The following SDK1 variants were observed in gnomAD, a reference collection of about 807,000 sequenced individuals.
SDK1 encodes sidekick cell adhesion molecule 1.
Under a neutral mutation model 245.5 loss-of-function variants are expected in SDK1, and 157 were observed. The observed-to-expected ratio is 0.64, with a 90% CI of 0.56 to 0.73. The LOEUF (loss-of-function observed/expected upper bound fraction) is 0.73. SDK1 is among the 30% of genes least tolerant of loss of function. The pLI is 0.00. For missense variants in SDK1, 3,583 were observed against 3,002.3 expected (o/e 1.19, Z -4.52); for synonymous variants, 1,647 against 1,278.5 (o/e 1.29, Z -6.15).
At chr7:4,168,926 T>C (rs1301512174) in intron 32 of SDK1, among the ~76,000 whole-genome samples, 1 of 152,016 alleles carries the variant, frequency 6.6e-6, no homozygotes, top group Non-Finnish European at 1.5e-5. Context: ...CCACCACCAG[T>C]GTGAACAGCA....
intron 4 of SDK1, among the ~76,000 whole-genome samples, chr7:3,753,878 A>G (rs574450629): frequency 1.3e-5 from 2 of 152,354 alleles, no homozygotes; most frequent in East Asian, 3.9e-4. Context: ...TGTATTTGAT[A>G]AAATACGTCC....
intron 5 of SDK1, among the ~76,000 whole-genome samples, chr7:3,938,131 C>A (rs1468295577): frequency 6.6e-6 from 1 of 152,230 alleles, no homozygotes; most frequent in African/African-American, 2.4e-5. Context: ...GCTACCGCAC[C>A]TGGCTTCCAG....
chr7:3,581,976 C>G (rs1780510991), intron 1 of SDK1, among the ~76,000 whole-genome samples: 1 of 152,190 alleles, frequency 6.6e-6, no homozygotes, highest in African/African-American at 2.4e-5. Flanking sequence ...GGAACAGACA[C>G]CGGGGCCTAC....
chr7:3,819,665 A>T (rs1221724699), intron 4 of SDK1, among the ~76,000 whole-genome samples: 1 of 152,260 alleles, frequency 6.6e-6, no homozygotes, highest in East Asian at 1.9e-4. Context: ...CTCTATTGAA[A>T]TATTTTTATG....
chr7:3,522,239 A>G (rs1782963996), intron 1 of SDK1, among the ~76,000 whole-genome samples: 1 of 152,076 alleles, frequency 6.6e-6, no homozygotes, highest in Admixed American at 6.6e-5. Context: ...TACTTTTCAG[A>G]TAGTCTTCAG....
At chr7:3,490,722 G>A (rs1323955737) in intron 1 of SDK1, among the ~76,000 whole-genome samples, 2 of 152,234 alleles carry the variant, frequency 1.3e-5, no homozygotes, top group African/African-American at 4.8e-5. Context: ...AGGCCAGGCA[G>A]ACTTGGAGGG....
intron 4 of SDK1, among the ~76,000 whole-genome samples, chr7:3,765,960 G>T (rs990342964): frequency 2.6e-5 from 4 of 152,164 alleles, no homozygotes; most frequent in Non-Finnish European, 5.9e-5. Flanking sequence ...CATCCTCCAT[G>T]AGATACAGAA....
At chr7:4,149,174 G>A (rs1436862635) in intron 29 of SDK1, 88 bp from the exon 30 acceptor site, 1 of 1,115,526 alleles carries the variant, frequency 9.0e-7, no homozygotes, top group Non-Finnish European at 1.2e-6. Context: ...CAAGCAGTCA[G>A]CCCTGTACAG....
intron 1 of SDK1, among the ~76,000 whole-genome samples, chr7:3,352,014 C>T (rs138042313): frequency 1.9e-4 from 29 of 151,882 alleles, no homozygotes; most frequent in Middle Eastern, 3.4e-3. Flanking sequence ...TGATTGAAAT[C>T]ATGTAGAGTA....
chr7:3,645,327 GA>G (rs1174270682), intron 4 of SDK1, among the ~76,000 whole-genome samples: 1 of 152,164 alleles, frequency 6.6e-6, no homozygotes, highest in African/African-American at 2.4e-5. Context: ...ATTTTTTAAA[GA>G]GATGAGATGA....
intron 4 of SDK1, among the ~76,000 whole-genome samples, chr7:3,781,081 C>T (rs938851117): frequency 2.6e-5 from 4 of 152,042 alleles, no homozygotes; most frequent in African/African-American, 7.2e-5. Context: ...CCTCATAGCT[C>T]CACCCTGACA....
chr7:3,580,616 TAAA>T lies in SDK1; in HGVS notation c.299-38459_299-38457del, dbSNP rs540807630. On this transcript the variant is annotated intron_variant, in intron 1 of 44. Coordinates refer to ENST00000404826, the MANE Select transcript of SDK1 (RefSeq NM_152744.4). Reference sequence around the variant, plus strand: ...ATGCAGGGGATTTTTTTACACCATGTAAAAAAATCAACTCAAGATGGATTAAAG... The same window carrying T: ...ATGCAGGGGATTTTTTTACACCATGTAAAATCAACTCAAGATGGATTAAAG... Among the ~76,000 whole-genome samples the T allele has an allele frequency of 3.0e-3, 449 of 151,980 alleles. 3 individuals are homozygous for T. The highest frequency in any genetic ancestry group is 8.6e-3 in the African/African-American group (356 of 41,464).
intron 1 of SDK1, among the ~76,000 whole-genome samples, chr7:3,492,609 C>G (rs1366811019): frequency 6.6e-6 from 1 of 152,238 alleles, no homozygotes. Flanking sequence ...TTCAGTGTTC[C>G]TGTTCCTCAG....
At chr7:4,237,562 T>C in intron 41 of SDK1, 85 bp from the exon 42 acceptor site, 1 of 1,526,068 alleles carries the variant, frequency 6.6e-7, no homozygotes, top group South Asian at 1.2e-5. Context: ...ACCCCAGCCT[T>C]CCCTGCCAAC....
chr7:3,401,850 A>C (rs980223945), intron 1 of SDK1, among the ~76,000 whole-genome samples: 1 of 152,178 alleles, frequency 6.6e-6, no homozygotes, highest in Non-Finnish European at 1.5e-5. Context: ...ATAAATGCCT[A>C]GTTATTAAAT....
chr7:3,413,779 G>C (rs1237042514), intron 1 of SDK1, among the ~76,000 whole-genome samples: 1 of 152,196 alleles, frequency 6.6e-6, no homozygotes, highest in Non-Finnish European at 1.5e-5. Context: ...CTTGAGGCCA[G>C]GAGTTTGAGA....
At chr7:3,909,456 C>G (rs567312636) in intron 5 of SDK1, among the ~76,000 whole-genome samples, 4 of 152,294 alleles carry the variant, frequency 2.6e-5, no homozygotes, top group East Asian at 1.9e-4. Flanking sequence ...CAGTTGTGGC[C>G]TCTGCTCAGG....
intron 4 of SDK1, among the ~76,000 whole-genome samples, chr7:3,821,148 G>C (rs1490778082): frequency 6.6e-6 from 1 of 152,160 alleles, no homozygotes; most frequent in East Asian, 1.9e-4. Context: ...AGGAACCTCT[G>C]AGTTTTAATG....
chr7:4,128,209 G>C (rs918252392), intron 26 of SDK1, among the ~76,000 whole-genome samples: 5 of 152,188 alleles, frequency 3.3e-5, no homozygotes, highest in African/African-American at 4.8e-5. Context: ...GCTTGTCTCA[G>C]TGCTGCTCCC....
Sources: allele counts gnomAD v4.1 joint callset (sites outside exome capture counted in the v4.1 genomes callset), GRCh38; gene constraint gnomAD v4.1.1; transcripts MANE v1.5; gene names NCBI Gene and HGNC (gene_info 2026-07-23, HGNC 2026-07-21).